Variants in WDR33 observed in about 807,000 individuals in gnomAD.
The protein encoded by WDR33 is pre-mRNA 3' end processing protein WDR33.
In WDR33, 47 loss-of-function variants were observed where a neutral mutation model predicts 164.9. The ratio of observed to expected loss-of-function variants is 0.29; its 90% CI spans 0.23 to 0.36. The LOEUF (loss-of-function observed/expected upper bound fraction) is 0.36, where lower values mean the gene tolerates loss of function less well. Among genes scored for constraint, WDR33 ranks in the 10% least tolerant of loss-of-function variants. WDR33 has a pLI of 1.00. For synonymous variants in WDR33, 505 were observed against 589.0 expected (o/e 0.86, Z 2.06); for missense variants, 1,137 against 1,754.1 (o/e 0.65, Z 6.28).
At chr2:127,759,245 T>C (rs1269556838) in intron 7 of WDR33, among the ~76,000 whole-genome samples, 2 of 152,230 alleles carry the variant, frequency 1.3e-5, no homozygotes, top group Non-Finnish European at 1.5e-5. Context: ...GTCTGTTTTT[T>C]CAACTTATGT....
intron 1 of WDR33, among the ~76,000 whole-genome samples, chr2:127,810,416 G>A (rs563813790): frequency 6.6e-6 from 1 of 152,308 alleles, no homozygotes; most frequent in Non-Finnish European, 1.5e-5. Context: ...TTTCTTTTAA[G>A]AAGGCATGCT....
intron 7 of WDR33, chr2:127,737,010 A>G: frequency 3.0e-6 from 3 of 985,450 alleles, no homozygotes; most frequent in Non-Finnish European, 3.6e-6. Flanking sequence ...CTGAGGGTGT[A>G]TAAAATGTGT....
chr2:127,721,728 TC>T lies in WDR33; in HGVS notation c.1671+107del. 1 of 1,192,760 alleles carries T rather than the reference TC, an allele frequency of 8.4e-7. No homozygotes were observed. The highest frequency in any genetic ancestry group is 1.1e-6 in the Non-Finnish European group (1 of 878,088). 73.9% of individuals were successfully genotyped at this position (1,192,760 alleles called of 1,614,324 possible). On this transcript the variant is annotated intron_variant, in intron 15 of 21. Transcript: ENST00000322313. The surrounding 1 kb of genome is among the most constrained non-coding windows in gnomAD (Gnocchi z 4.9). ...TAGCAACAGGAAATGGCGGTGTTTG[TC>T]AGACCATGGGAGAGCCCCTTCCCTT...
intron 1 of WDR33, among the ~76,000 whole-genome samples, chr2:127,797,747 C>A (rs1414138515): frequency 1.3e-5 from 2 of 152,170 alleles, no homozygotes; most frequent in African/African-American, 4.8e-5. Context: ...CACGGTGGTT[C>A]AAGCCTGTAA....
Position 127,710,871 on chromosome 2 carries a change from T to C in WDR33, c.3309-1015A>G, listed in dbSNP as rs542148237. ...CAGTAAAGCTGAAAGAACAGTACAA[T>C]GAACATCCCAGATCCTCCACCCAGA... On this transcript the variant is annotated intron_variant, in intron 18 of 21. Transcript: ENST00000322313. The surrounding 1 kb of genome is among the most constrained non-coding windows in gnomAD (Gnocchi z 4.4). Among the ~76,000 whole-genome samples the C allele has an allele frequency of 3.3e-5, 5 of 152,268 alleles. No homozygotes were observed. Among genetic ancestry groups the C allele is most frequent in the South Asian group, 2.1e-4 (1 of 4,826 alleles).
intron 7 of WDR33, among the ~76,000 whole-genome samples, chr2:127,745,893 C>T (rs1687154579): frequency 6.6e-6 from 1 of 152,000 alleles, no homozygotes; most frequent in South Asian, 2.1e-4. Flanking sequence ...GGCATGGTGG[C>T]AAGCTCCTGT....
Position 127,770,463 on chromosome 2 carries a change from G to A in WDR33, c.204+315C>T, listed in dbSNP as rs1174512632. Among the ~76,000 whole-genome samples, 3 of 152,160 alleles carry A rather than the reference G, an allele frequency of 2.0e-5. No homozygotes were observed. The highest frequency in any genetic ancestry group is 4.4e-5 in the Non-Finnish European group (3 of 68,036). ...CCAGCACTTTGGGAGACTGAGGCAG[G>A]TGGATCACCTGAGGTTAGGAGTTTG... On this transcript the variant is annotated intron_variant, in intron 2 of 21. Coordinates refer to ENST00000322313, the MANE Select transcript of WDR33 (RefSeq NM_018383.5). The surrounding 1 kb of genome is among the most constrained non-coding windows in gnomAD (Gnocchi z 4.9).
Position 127,771,963 on chromosome 2 carries a change from A to G in WDR33, c.-23-959T>C, listed in dbSNP as rs186723609. On this transcript the variant is annotated intron_variant, in intron 1 of 21. Coordinates refer to ENST00000322313, the MANE Select transcript of WDR33 (RefSeq NM_018383.5). ...GTACGTGTTTATGCTTAGGGAATAA[A>G]AGAAGGTAGGATCACTGGGAATTGT... 5.9e-5 allele frequency among the ~76,000 whole-genome samples: 9 copies of G among 152,286 alleles called. 1 individual carries two copies. In the East Asian group the frequency reaches 1.7e-3, roughly 29 times the overall value.
rs1214688873 is a variant in WDR33 at position 127,764,224 on chromosome 2, G to A, written c.626+604C>T. ...ATTTGCATAAGTGATGTTATCAACA[G>A]TGAATCAGAAGAAAAGTCCTAGAGT... is the stretch of plus-strand genomic sequence containing the variant. On this transcript the variant is annotated intron_variant, in intron 6 of 21. Coordinates refer to ENST00000322313, the MANE Select transcript of WDR33 (RefSeq NM_018383.5). The surrounding 1 kb of genome is among the most constrained non-coding windows in gnomAD (Gnocchi z 6.2). The A allele has an allele frequency of 9.0e-7, 1 of 1,116,170 alleles. No individual in the cohort carries two copies. Among genetic ancestry groups the A allele is most frequent in the Non-Finnish European group, 1.1e-6 (1 of 914,736 alleles). 69.1% of individuals were successfully genotyped at this position (1,116,170 alleles called of 1,614,324 possible). A position where few individuals can be genotyped will look rare whatever the true frequency, so the allele number is the denominator to read the frequency against.
In WDR33 at chr2:127,719,196, A is replaced by T; in HGVS notation, c.2760+69T>A. On this transcript the variant is annotated intron_variant, in intron 16 of 21. Coordinates refer to ENST00000322313, the MANE Select transcript of WDR33 (RefSeq NM_018383.5). This position sits in a 1 kb window ranked among gnomAD's most constrained non-coding sequence, Gnocchi z 6.5. ...TCCAGCTGTGACCATTTTCCACAAT[A>T]CTCAGCAGTATTACTTCTGTGCAGA... The T allele has an allele frequency of 7.4e-7, 1 of 1,343,044 alleles. No homozygotes were observed. The highest frequency in any genetic ancestry group is 1.5e-5 in the African/African-American group (1 of 67,420). The allele number at this position is 1,343,044 out of a possible 1,614,324, so 83.2% of individuals were successfully genotyped here. A position where few individuals can be genotyped will look rare whatever the true frequency, so the allele number is the denominator to read the frequency against.
intron 1 of WDR33, among the ~76,000 whole-genome samples, chr2:127,805,571 T>C (rs928108102): frequency 6.6e-6 from 1 of 152,000 alleles, no homozygotes; most frequent in Non-Finnish European, 1.5e-5. Context: ...TGAGGCTAGC[T>C]GTTTGTGGTG....
chr2:127,727,358 G>A (rs2105387307), intron 7 of WDR33, among the ~76,000 whole-genome samples: 1 of 152,270 alleles, frequency 6.6e-6, no homozygotes, highest in South Asian at 2.1e-4. Context: ...AATAATAACA[G>A]CTATCCTACT....
At chr2:127,792,330 G>GA (rs376307929) in intron 1 of WDR33, among the ~76,000 whole-genome samples, 5 of 151,500 alleles carry the variant, frequency 3.3e-5, no homozygotes, top group Admixed American at 6.6e-5. Flanking sequence ...ACTAACAAAG[G>GA]AAAAAAAATT....
At chr2:127,787,567 C>A (rs1454324675) in intron 1 of WDR33, among the ~76,000 whole-genome samples, 55 of 92,512 alleles carry the variant, frequency 5.9e-4, no homozygotes, top group African/African-American at 2.0e-3. Context: ...CCGGACGGGG[C>A]GGCTGGCCGG....
At chr2:127,766,592 G>A (rs1462972117) in intron 4 of WDR33, among the ~76,000 whole-genome samples, 1 of 151,940 alleles carries the variant, frequency 6.6e-6, no homozygotes, top group Admixed American at 6.6e-5. Flanking sequence ...ATCCCCAAAT[G>A]AGAACATTTA....
chr2:127,764,652 A>G lies in WDR33; in HGVS notation c.626+176T>C, dbSNP rs1219772460. On this transcript the variant is annotated intron_variant, in intron 6 of 21. Coordinates refer to ENST00000322313, the MANE Select transcript of WDR33 (RefSeq NM_018383.5). The surrounding 1 kb of genome is among the most constrained non-coding windows in gnomAD (Gnocchi z 6.2). ...TGATACCGGGACAACACTACTTCAG[A>G]AAGGTGCCAGCAAAATGGTGAATGT... 2.6e-6 allele frequency: 4 copies of G among 1,563,436 alleles called. No individual in the cohort carries two copies. The South Asian group carries it at 3.5e-5, about 14-fold the overall frequency.
rs761784084 is a variant in WDR33 at position 127,725,011 on chromosome 2, G to A, written c.1007-46C>T. ...AAAAGACACAATTATCAGGATCTGA[G>A]AATGTTACAGGTAACAGTGGTCAAT... On this transcript the variant is annotated intron_variant, in intron 9 of 21. Transcript: ENST00000322313. 3.7e-6 allele frequency: 6 copies of A among 1,613,956 alleles called. No homozygotes were observed. In the South Asian group the frequency reaches 6.6e-5, roughly 18 times the overall value.
At chr2:127,788,136 A>C in intron 1 of WDR33, among the ~76,000 whole-genome samples, 1 of 78,192 alleles carries the variant, frequency 1.3e-5, no homozygotes, top group African/African-American at 6.2e-5. Context: ...ACTTCCCAGT[A>C]GGGGCGGCCG....
Position 127,737,784 on chromosome 2 carries a change from G to A in WDR33, c.725-11007C>T, listed in dbSNP as rs368766023. On this transcript the variant is annotated intron_variant, in intron 7 of 21. Transcript: ENST00000322313. ...AAGCAAGGTAGAGGTGAATGAACAA[G>A]TTCACTTTCAGTTGGCCAGATTAAG... The A allele has an allele frequency of 6.6e-5, 86 of 1,301,056 alleles. No homozygotes were observed. The South Asian group carries it at 1.6e-3, about 24-fold the overall frequency. The allele number at this position is 1,301,056 out of a possible 1,614,324, so 80.6% of individuals were successfully genotyped here. A position where few individuals can be genotyped will look rare whatever the true frequency, so the allele number is the denominator to read the frequency against.
Sources: allele counts gnomAD v4.1 joint callset (sites outside exome capture counted in the v4.1 genomes callset), GRCh38; gene constraint gnomAD v4.1.1; non-coding constraint Gnocchi (gnomAD v3.1); transcripts MANE v1.5; gene names NCBI Gene and HGNC (gene_info 2026-07-23, HGNC 2026-07-21).